Variants in SNX29 observed in about 807,000 individuals in gnomAD.
SNX29 encodes the protein sorting nexin-29.
A neutral mutation model predicts 102.1 loss-of-function variants in SNX29; 78 were observed. The observed-to-expected ratio is 0.76, with a 90% confidence interval of 0.64 to 0.92. The LOEUF (loss-of-function observed/expected upper bound fraction) is 0.92, where lower values mean the gene tolerates loss of function less well. Ranked by LOEUF, SNX29 falls within the 40% of genes least tolerant of loss-of-function variation. SNX29 has a pLI of 0.00. For missense variants in SNX29, 1,280 were observed against 1,061.7 expected (o/e 1.21, Z -2.86); for synonymous variants, 580 against 414.5 (o/e 1.40, Z -4.85).
At chr16:12,226,440 A>G (rs961902256) in intron 14 of SNX29, among the ~76,000 whole-genome samples, 3 of 152,082 alleles carry the variant, frequency 2.0e-5, no homozygotes, top group Non-Finnish European at 4.4e-5. Context: ...AGGGAAAGAG[A>G]ATCTATAGAC....
At chr16:12,228,510 G>A (rs1016111534) in intron 14 of SNX29, among the ~76,000 whole-genome samples, 1 of 152,190 alleles carries the variant, frequency 6.6e-6, no homozygotes, top group African/African-American at 2.4e-5. Context: ...ACAACACAGA[G>A]CTTTCTTTTA....
intron 18 of SNX29, among the ~76,000 whole-genome samples, chr16:12,413,274 C>G (rs1050010323): frequency 3.9e-5 from 6 of 152,022 alleles, no homozygotes; most frequent in African/African-American, 1.4e-4. Context: ...ATAGCCAGGT[C>G]ACTCTTGCTG....
At chr16:12,207,281 A>G (rs779745032) in intron 14 of SNX29, among the ~76,000 whole-genome samples, 6 of 152,094 alleles carry the variant, frequency 3.9e-5, no homozygotes, top group Non-Finnish European at 8.8e-5. Flanking sequence ...AGGCAGGAGA[A>G]TTGCTTGAAC....
At chr16:12,324,933 G>T (rs2081072876) in intron 15 of SNX29, among the ~76,000 whole-genome samples, 1 of 152,162 alleles carries the variant, frequency 6.6e-6, no homozygotes, top group Non-Finnish European at 1.5e-5. Flanking sequence ...TTTCAACCGG[G>T]ACGCAAGCTC....
intron 11 of SNX29, among the ~76,000 whole-genome samples, chr16:12,112,340 T>C (rs1001442279): frequency 6.6e-6 from 1 of 152,096 alleles, no homozygotes; most frequent in Non-Finnish European, 1.5e-5. Flanking sequence ...ACAAAGGCAG[T>C]TCTTGGTGAG....
At chr16:12,335,027 G>A (rs1429410279) in intron 15 of SNX29, among the ~76,000 whole-genome samples, 1 of 149,368 alleles carries the variant, frequency 6.7e-6, no homozygotes, top group Admixed American at 6.8e-5. Flanking sequence ...ACCCTGCCAA[G>A]ATGCATGTGA....
intron 19 of SNX29, among the ~76,000 whole-genome samples, chr16:12,480,491 T>TC (rs891963774): frequency 2.0e-5 from 3 of 152,016 alleles, no homozygotes; most frequent in African/African-American, 7.2e-5. Flanking sequence ...TCCAAATTAA[T>TC]CCCCCGACCC....
chr16:12,543,720 A>G (rs2045201383), intron 20 of SNX29, among the ~76,000 whole-genome samples: 1 of 152,224 alleles, frequency 6.6e-6, no homozygotes, highest in South Asian at 2.1e-4. Flanking sequence ...GGAATTAATG[A>G]ATTTTGGCAT....
intron 14 of SNX29, among the ~76,000 whole-genome samples, chr16:12,200,854 A>G (rs1263727349): frequency 2.6e-5 from 4 of 152,264 alleles, no homozygotes; most frequent in Middle Eastern, 3.4e-3. Flanking sequence ...ACCCCTTTGA[A>G]TTATTTTACT....
In SNX29 at chr16:12,475,916, A is replaced by G. The variant is rs371572750; in HGVS notation, c.2038-1803A>G. On this transcript the variant is annotated intron_variant, in intron 18 of 20. Transcript: ENST00000566228. ...CCATAGTTTGCCCACCCCGATCTAG[A>G]TAATTAGTATTATGTATGATGATCA... is the stretch of plus-strand genomic sequence containing the variant. Among the ~76,000 whole-genome samples the G allele has an allele frequency of 5.9e-5, 9 of 152,230 alleles. No homozygotes were observed. In the East Asian group the frequency reaches 9.6e-4, roughly 16 times the overall value.
At chr16:12,033,135 G>A (rs1290200112) in intron 4 of SNX29, among the ~76,000 whole-genome samples, 1 of 151,796 alleles carries the variant, frequency 6.6e-6, no homozygotes, top group Non-Finnish European at 1.5e-5. Flanking sequence ...AAGTACAGGT[G>A]CGAGCCACTG....
At chr16:12,339,485 A>G (rs2151250173) in intron 15 of SNX29, among the ~76,000 whole-genome samples, 1 of 152,090 alleles carries the variant, frequency 6.6e-6, no homozygotes, top group East Asian at 1.9e-4. Flanking sequence ...ACTCTAATCC[A>G]AATGACAGAA....
intron 19 of SNX29, among the ~76,000 whole-genome samples, chr16:12,515,894 C>G (rs1161551221): frequency 1.3e-5 from 2 of 152,172 alleles, no homozygotes; most frequent in East Asian, 1.9e-4. Context: ...TGGTGCACCA[C>G]GAGTTAACTT....
chr16:12,013,542 T>TATATAGAGAGAGAGAGAGAGAG (rs1382498593), intron 3 of SNX29, among the ~76,000 whole-genome samples: 4 of 109,074 alleles, frequency 3.7e-5, no homozygotes, highest in African/African-American at 1.0e-4. Flanking sequence ...TATATATATA[T>TATATAGAGAGAGAGAGAGAGAG]CGAGAGAGGA....
At chr16:12,299,034 T>C (rs1286465260) in intron 15 of SNX29, among the ~76,000 whole-genome samples, 1 of 149,950 alleles carries the variant, frequency 6.7e-6, no homozygotes, top group Non-Finnish European at 1.5e-5. Context: ...GCACGGTGGC[T>C]CATGCCTGTA....
rs34337910 is a variant in SNX29, at chr16:12,097,542, AT to A, written c.1402+18638del. On this transcript the variant is annotated intron_variant, in intron 11 of 20. Coordinates refer to ENST00000566228, the MANE Select transcript of SNX29 (RefSeq NM_032167.5). Reference sequence around the variant, plus strand: ...GTGCTCTTGGTTTGGGCCACACATGATTTTTTTTTTTGGTCTTTTTTAGCAT... The same window carrying A: ...GTGCTCTTGGTTTGGGCCACACATGATTTTTTTTTTGGTCTTTTTTAGCAT... Among the ~76,000 whole-genome samples the A allele has an allele frequency of 1.4e-3, 205 of 149,114 alleles. 1 individual carries two copies. The highest frequency in any genetic ancestry group is 1.9e-3 in the Non-Finnish European group (130 of 67,142).
At chr16:12,104,145 G>T (rs1169004183) in intron 11 of SNX29, among the ~76,000 whole-genome samples, 4 of 152,220 alleles carry the variant, frequency 2.6e-5, no homozygotes, top group Non-Finnish European at 4.4e-5. Context: ...TGTGTGTGTT[G>T]TTTGAAAATC....
intron 13 of SNX29, among the ~76,000 whole-genome samples, chr16:12,190,017 TA>T (rs2076603516): frequency 6.6e-6 from 1 of 152,222 alleles, no homozygotes; most frequent in South Asian, 2.1e-4. Context: ...CAGTTATCAG[TA>T]ATATATTCAG....
intron 15 of SNX29, among the ~76,000 whole-genome samples, chr16:12,288,989 T>G (rs2079700545): frequency 6.6e-6 from 1 of 152,198 alleles, no homozygotes; most frequent in African/African-American, 2.4e-5. Flanking sequence ...GCCTACTAGC[T>G]CTAACTTTTA....
Sources: allele counts gnomAD v4.1 joint callset (sites outside exome capture counted in the v4.1 genomes callset), GRCh38; gene constraint gnomAD v4.1.1; transcripts MANE v1.5; gene names NCBI Gene and HGNC (gene_info 2026-07-23, HGNC 2026-07-21).